PRR5: variants seen among roughly 807,000 people sequenced by gnomAD.
PRR5 encodes proline rich 5.
PRR5 carries 25 observed loss-of-function variants against 30.6 expected under a neutral mutation model. The observed-to-expected ratio is 0.82, with a 90% CI of 0.60 to 1.14. The LOEUF is 1.14. Ranked by LOEUF, PRR5 falls within the 50% of genes most tolerant of loss-of-function variation. The probability of loss-of-function intolerance (pLI) is 0.00; values close to 1 mark genes in which losing one functional copy is unlikely to be tolerated. For synonymous variants in PRR5, 286 were observed against 247.1 expected (o/e 1.16, Z -1.48); for missense variants, 600 against 547.1 (o/e 1.10, Z -0.96).
At chr22:44,693,795 A>ATTT (rs61604082) in intron 1 of PRR5, among the ~76,000 whole-genome samples, 46 of 79,614 alleles carry the variant, frequency 5.8e-4, no homozygotes, top group East Asian at 1.2e-3. Context: ...ACACTCGGCT[A>ATTT]TTTTTTTTTT....
rs989554216 is a variant in PRR5, at chr22:44,703,288, A to G, written c.134+680A>G. 5.3e-5 allele frequency among the ~76,000 whole-genome samples: 8 copies of G among 150,718 alleles called. 1 individual carries two copies. Among genetic ancestry groups the G allele is most frequent in the Admixed American group, 4.0e-4 (6 of 15,118 alleles). On this transcript the variant is annotated intron_variant, in intron 1 of 7. Coordinates refer to ENST00000336985, the MANE Select transcript of PRR5 (RefSeq NM_181333.4). ...GCTCCCTAGGAAAATGAGAGGCAGG[A>G]GAAAGTGAGGCAGGCTGTTCGCGGG... is the stretch of plus-strand genomic sequence containing the variant.
At chr22:44,690,337 C>T (rs1291696955) in intron 1 of PRR5, among the ~76,000 whole-genome samples, 1 of 152,046 alleles carries the variant, frequency 6.6e-6, no homozygotes, top group Non-Finnish European at 1.5e-5. Flanking sequence ...CAGTCTGAGA[C>T]CCTGACACAA....
intron 4 of PRR5, chr22:44,731,107 T>A (rs1417296567): frequency 1.4e-5 from 4 of 295,932 alleles, no homozygotes; most frequent in Admixed American, 8.9e-5. Flanking sequence ...GTTAGGAGGA[T>A]CTGATGAGAC....
chr22:44,675,242 G>A (rs1282778619), upstream of PRR5, among the ~76,000 whole-genome samples: 1 of 131,438 alleles, frequency 7.6e-6, no homozygotes, highest in Non-Finnish European at 1.6e-5. Flanking sequence ...AGAGCAAGAC[G>A]CTGTCTCAAA....
Position 44,689,082 on chromosome 22 carries a change from A to G in PRR5, c.-11+11842A>G, listed in dbSNP as rs562065303. ...AAGCTCGATCATAGAAGATGTTTGTAATTTTTTATCTAACATTTCTAGGAC... is the reference window on the plus strand; with the variant it reads ...AAGCTCGATCATAGAAGATGTTTGTGATTTTTTATCTAACATTTCTAGGAC... On this transcript the variant is annotated intron_variant, in intron 1 of 8. Coordinates refer to the PRR5 transcript ENST00000006251. 2.6e-5 allele frequency among the ~76,000 whole-genome samples: 4 copies of G among 152,254 alleles called. No individual in the cohort carries two copies. In the East Asian group the frequency reaches 7.7e-4, roughly 29 times the overall value.
At chr22:44,711,971 T>C (rs1928310239) in intron 1 of PRR5, among the ~76,000 whole-genome samples, 1 of 152,044 alleles carries the variant, frequency 6.6e-6, no homozygotes, top group Admixed American at 6.5e-5. Flanking sequence ...CTCGGGATTT[T>C]CAACTTTTTT....
upstream of PRR5, among the ~76,000 whole-genome samples, chr22:44,700,391 G>T (rs1926145120): frequency 6.6e-6 from 1 of 152,106 alleles, no homozygotes; most frequent in African/African-American, 2.4e-5. Context: ...CTTGAACCTG[G>T]GAGGCAGAGG....
intron 1 of PRR5, among the ~76,000 whole-genome samples, chr22:44,694,840 A>G (rs1925604876): frequency 6.6e-6 from 1 of 152,112 alleles, no homozygotes; most frequent in Non-Finnish European, 1.5e-5. Flanking sequence ...ACAGAGACTA[A>G]AGCTTGACAG....
chr22:44,704,702 G>A lies in PRR5; in HGVS notation c.134+2094G>A, dbSNP rs574730181. ...GACTTTGCCACTCTCCTAGCCCAGC[G>A]AGGTATTACCAGCACCCCCCACCGA... On this transcript the variant is annotated intron_variant, in intron 1 of 7. Coordinates refer to ENST00000336985, the MANE Select transcript of PRR5 (RefSeq NM_181333.4). 2.4e-4 allele frequency among the ~76,000 whole-genome samples: 36 copies of A among 151,012 alleles called. 1 individual carries two copies. Among genetic ancestry groups the A allele is most frequent in the Admixed American group, 1.6e-3 (24 of 15,170 alleles).
intron 2 of PRR5, among the ~76,000 whole-genome samples, chr22:44,723,593 G>A (rs183345655): frequency 2.6e-5 from 4 of 152,070 alleles, no homozygotes; most frequent in Admixed American, 6.5e-5. Flanking sequence ...GATGGTATGC[G>A]CCTGTAATCC....
At chr22:44,727,083 C>T (rs541169644) in intron 4 of PRR5, among the ~76,000 whole-genome samples, 3 of 151,764 alleles carry the variant, frequency 2.0e-5, no homozygotes, top group South Asian at 2.1e-4. Context: ...CCCACTGGGA[C>T]CTTCAGGTTA....
At chr22:44,673,530 C>T (rs9614870), upstream of PRR5, among the ~76,000 whole-genome samples, 33,592 of 152,104 alleles carry the variant, frequency 0.22, 6,299 homozygotes, top group African/African-American at 0.51. Flanking sequence ...CAGTATCTTG[C>T]CCAAGGTCAC....
At chr22:44,692,120 A>T (rs1453751077) in intron 1 of PRR5, among the ~76,000 whole-genome samples, 1 of 151,622 alleles carries the variant, frequency 6.6e-6, no homozygotes, top group Non-Finnish European at 1.5e-5. Flanking sequence ...AAGCCCTCAG[A>T]TCCCACACCC....
chr22:44,697,718 G>A (rs778384722), upstream of PRR5, among the ~76,000 whole-genome samples: 11 of 152,310 alleles, frequency 7.2e-5, no homozygotes, highest in South Asian at 2.1e-4. Flanking sequence ...TCTCTCTCCC[G>A]CCCAGCCCGC....
In PRR5 at chr22:44,683,478, A is replaced by G. The variant is rs569205294; in HGVS notation, c.-11+6238A>G. 3.3e-5 allele frequency among the ~76,000 whole-genome samples: 5 copies of G among 152,356 alleles called. No homozygotes were observed. The East Asian group carries it at 9.6e-4, about 29-fold the overall frequency. ...GCCCAGACCTAGGTTACTCAAAACC[A>G]GAAACTGCCGAGAAGATCTGAATGA... On this transcript the variant is annotated intron_variant, in intron 1 of 8. Coordinates refer to the PRR5 transcript ENST00000006251.
chr22:44,730,761 T>C, intron 4 of PRR5: 1 of 771,628 alleles, frequency 1.3e-6, no homozygotes, highest in Non-Finnish European at 1.7e-6. Context: ...TTGGAAGGGG[T>C]CTCCGTGGAT....
At chr22:44,701,022 A>G (rs1248969253), upstream of PRR5, among the ~76,000 whole-genome samples, 1 of 151,968 alleles carries the variant, frequency 6.6e-6, no homozygotes. Flanking sequence ...AGCTGGGATT[A>G]CGGGCATGCA....
Position 44,691,511 on chromosome 22 carries a change from GT to G in PRR5, c.-10-10978del, listed in dbSNP as rs1468718370. On this transcript the variant is annotated intron_variant, in intron 1 of 8. Coordinates refer to the PRR5 transcript ENST00000006251. The surrounding 1 kb of genome is among the most constrained non-coding windows in gnomAD (Gnocchi z 4.4). ...TTGGGGCCCCTCCAGCGCCCCTGCA[GT>G]TTGGGAGGCCGAGCAGTTTGGGAGG... Among the ~76,000 whole-genome samples the G allele has an allele frequency of 1.3e-5, 2 of 152,104 alleles. No individual in the cohort carries two copies. Among genetic ancestry groups the G allele is most frequent in the African/African-American group, 4.8e-5 (2 of 41,428 alleles).
At chr22:44,689,475 C>T (rs1331037717) in intron 1 of PRR5, among the ~76,000 whole-genome samples, 1 of 152,198 alleles carries the variant, frequency 6.6e-6, no homozygotes, top group Non-Finnish European at 1.5e-5. Context: ...CCAGATTACC[C>T]GAAGAGGGTA....
Sources: allele counts gnomAD v4.1 joint callset (sites outside exome capture counted in the v4.1 genomes callset), GRCh38; gene constraint gnomAD v4.1.1; non-coding constraint Gnocchi (gnomAD v3.1); transcripts MANE v1.5; gene names NCBI Gene and HGNC (gene_info 2026-07-23, HGNC 2026-07-21).